NHS: variants seen among roughly 807,000 people sequenced by gnomAD.
NHS encodes NHS actin remodeling regulator.
NHS carries 5 observed loss-of-function variants against 72.5 expected under a neutral mutation model. The observed-to-expected ratio is 0.07, with a 90% confidence interval of 0.04 to 0.14. The LOEUF is 0.14. Among genes scored for constraint, NHS ranks in the 10% least tolerant of loss-of-function variants. NHS has a pLI of 1.00. For synonymous variants in NHS, 464 were observed against 547.7 expected, an observed-to-expected ratio of 0.85 and a Z score of 2.13; for missense variants, 1,072 against 1,355.7, an observed-to-expected ratio of 0.79 and a Z score of 3.29.
intron 1 of NHS, among the ~76,000 whole-genome samples, chrX:17,503,928 C>T (rs1161080625): frequency 1.8e-5 from 2 of 111,346 alleles, no homozygotes; most frequent in Admixed American, 9.5e-5. Context: ...AAGCACATTC[C>T]AAGACCCACC....
intron 1 of NHS, among the ~76,000 whole-genome samples, chrX:17,478,655 T>C (rs1435405847): frequency 8.9e-6 from 1 of 111,795 alleles, no homozygotes; most frequent in Non-Finnish European, 1.9e-5. Flanking sequence ...GTCTATCTAA[T>C]ATTTTAGACC....
chrX:17,550,526 C>T (rs1184825293), intron 1 of NHS, among the ~76,000 whole-genome samples: 2 of 111,833 alleles, frequency 1.8e-5, no homozygotes, highest in African/African-American at 3.3e-5. Context: ...GGCTGAGCCG[C>T]GCAGGTCTGG....
intron 1 of NHS, chrX:17,635,595 A>G: frequency 8.6e-7 from 1 of 1,167,047 alleles, no homozygotes; most frequent in Non-Finnish European, 1.1e-6. Context: ...ATGCCCAAGA[A>G]TGCAGGTATT....
At chrX:17,634,501 G>A (rs944069307) in intron 1 of NHS, among the ~76,000 whole-genome samples, 1 of 111,346 alleles carries the variant, frequency 9.0e-6, no homozygotes, top group Non-Finnish European at 1.9e-5. Flanking sequence ...TCACTTGCTG[G>A]GCTCAGGTGG....
chrX:17,659,014 T>C (rs1239995438), intron 1 of NHS, among the ~76,000 whole-genome samples: 1 of 112,549 alleles, frequency 8.9e-6, no homozygotes, highest in Non-Finnish European at 1.9e-5. Flanking sequence ...TGTCTTGTGA[T>C]TATAAGGAAC....
intron 1 of NHS, among the ~76,000 whole-genome samples, chrX:17,682,460 G>A (rs2066135904): frequency 8.9e-6 from 1 of 111,988 alleles, no homozygotes; most frequent in Non-Finnish European, 1.9e-5. Context: ...TGTGTTGGGG[G>A]TGGCTGTGGT....
chrX:17,526,696 C>A (rs1003946396), intron 1 of NHS, among the ~76,000 whole-genome samples: 2 of 111,634 alleles, frequency 1.8e-5, no homozygotes, highest in African/African-American at 3.3e-5. Context: ...TATTTCTATG[C>A]GCATTTCTGG....
At chrX:17,478,796 G>A (rs1410458146) in intron 1 of NHS, among the ~76,000 whole-genome samples, 1 of 112,168 alleles carries the variant, frequency 8.9e-6, no homozygotes, top group African/African-American at 3.2e-5. Flanking sequence ...CATCTGCACT[G>A]TCTAATATGG....
At chrX:17,655,519 C>T (rs752888903) in intron 1 of NHS, among the ~76,000 whole-genome samples, 1 of 112,489 alleles carries the variant, frequency 8.9e-6, no homozygotes, top group Admixed American at 9.3e-5. Flanking sequence ...CAGCTCACTG[C>T]GGCTGGCAGC....
intron 1 of NHS, among the ~76,000 whole-genome samples, chrX:17,465,954 G>A (rs1226694544): frequency 1.8e-5 from 2 of 112,837 alleles, no homozygotes; most frequent in African/African-American, 3.2e-5. Flanking sequence ...GTTATATAAC[G>A]GAATTTGAAT....
chrX:17,538,243 A>G (rs2065239929), intron 1 of NHS, among the ~76,000 whole-genome samples: 1 of 112,004 alleles, frequency 8.9e-6, no homozygotes, highest in Admixed American at 9.4e-5. Context: ...TGAGACCTGT[A>G]AAAGTGCACT....
intron 1 of NHS, among the ~76,000 whole-genome samples, chrX:17,423,023 C>T (rs1034629742): frequency 8.9e-6 from 1 of 111,787 alleles, no homozygotes; most frequent in Non-Finnish European, 1.9e-5. Context: ...TTGAAAAATC[C>T]AAGAAATTCT....
chrX:17,543,796 C>T (rs1474163037), intron 1 of NHS, among the ~76,000 whole-genome samples: 2 of 111,754 alleles, frequency 1.8e-5, no homozygotes, highest in African/African-American at 6.5e-5. Context: ...ATTTTGCTCC[C>T]TTTTCCATGC....
At chrX:17,613,489 G>C (rs751464581) in intron 1 of NHS, among the ~76,000 whole-genome samples, 10 of 111,573 alleles carry the variant, frequency 9.0e-5, no homozygotes, top group Non-Finnish European at 1.9e-4. Context: ...TGATCATCAT[G>C]ATCTTTAGAA....
At chrX:17,723,586 T>C (rs2066418119) in intron 5 of NHS, among the ~76,000 whole-genome samples, 1 of 111,856 alleles carries the variant, frequency 8.9e-6, no homozygotes, top group South Asian at 3.8e-4. Flanking sequence ...GACTGCCTTG[T>C]ATGTTTATTT....
At chrX:17,466,194 A>G (rs1292118921) in intron 1 of NHS, among the ~76,000 whole-genome samples, 1 of 113,219 alleles carries the variant, frequency 8.8e-6, no homozygotes, top group Non-Finnish European at 1.9e-5. Flanking sequence ...GCAGTGGGGC[A>G]GGCAAGAGGG....
intron 1 of NHS, among the ~76,000 whole-genome samples, chrX:17,413,085 T>C (rs939632660): frequency 8.9e-6 from 1 of 112,287 alleles, no homozygotes; most frequent in Non-Finnish European, 1.9e-5. Context: ...CCTAGTAGAA[T>C]ATGTGACTAC....
At chrX:17,723,113 A>C (rs2066415532) in intron 5 of NHS, among the ~76,000 whole-genome samples, 1 of 112,361 alleles carries the variant, frequency 8.9e-6, no homozygotes, top group Non-Finnish European at 1.9e-5. Context: ...TTCCATTAGT[A>C]AGAATTCTCC....
chrX:17,726,517 A>C lies in NHS; in HGVS notation c.2411A>C (p.Tyr804Ser). Residue 804 changes from tyrosine (Y) to serine (S), a missense_variant, in exon 7 of 9, where the codon TAT (tyrosine) becomes TCT (serine). Tyr to Ser is a moderately radical substitution (Grantham distance 144). Transcript: ENST00000676302. ...LKGNKSYVCHYAALGPENGQG... is the reference protein window; with the variant it reads ...LKGNKSYVCHSAALGPENGQG... ...GGTAATAAGAGCTATGTCTGTCACT[A>C]TGCAGCCCTGGGCCCAGAGAATGGC... 8.3e-7 allele frequency: 1 copy of C among 1,211,929 alleles called. No homozygotes were observed. The highest frequency in any genetic ancestry group is 1.1e-6 in the Non-Finnish European group (1 of 895,517).
Sources: allele counts gnomAD v4.1 joint callset (sites outside exome capture counted in the v4.1 genomes callset), GRCh38; gene constraint gnomAD v4.1.1; transcripts MANE v1.5; gene names NCBI Gene and HGNC (gene_info 2026-07-23, HGNC 2026-07-21).